The following PCDHA11 variants were observed in gnomAD, a reference collection of about 807,000 sequenced individuals.
PCDHA11 encodes the protein protocadherin alpha 11.
In PCDHA11, 61 loss-of-function variants were observed where a neutral mutation model predicts 70.3. That is an observed-to-expected ratio of 0.87 (90% CI 0.71 to 1.07). PCDHA11 has a LOEUF of 1.07. Ranked by LOEUF, PCDHA11 falls within the 50% of genes least tolerant of loss-of-function variation. PCDHA11 has a pLI of 0.00. For synonymous variants in PCDHA11, 633 were observed against 555.1 expected, an observed-to-expected ratio of 1.14 and a Z score of -1.97; for missense variants, 1,324 against 1,237.5, an observed-to-expected ratio of 1.07 and a Z score of -1.05.
chr5:141,006,048 G>T (rs1158028347), intron 3 of PCDHA11, among the ~76,000 whole-genome samples: 1 of 150,984 alleles, frequency 6.6e-6, no homozygotes, highest in Non-Finnish European at 1.5e-5. Context: ...TTGTAGATGA[G>T]AGTGGAGAAG....
chr5:140,907,914 T>A (rs2073690399), intron 1 of PCDHA11, among the ~76,000 whole-genome samples: 4 of 152,242 alleles, frequency 2.6e-5, no homozygotes, highest in Admixed American at 1.3e-4. Context: ...TTTTGACCAC[T>A]CAGAGAGGTC....
intron 1 of PCDHA11, among the ~76,000 whole-genome samples, chr5:140,971,214 C>T (rs1285730991): frequency 6.6e-6 from 1 of 152,172 alleles, no homozygotes; most frequent in African/African-American, 2.4e-5. Flanking sequence ...GTTACCCTCC[C>T]TCTCCTGACT....
intron 1 of PCDHA11, among the ~76,000 whole-genome samples, chr5:140,904,951 T>C (rs1468765932): frequency 6.6e-6 from 1 of 152,188 alleles, no homozygotes; most frequent in Non-Finnish European, 1.5e-5. Context: ...GTCCTTTGTC[T>C]GATGCAGAAT....
At chr5:140,996,308 A>G (rs997099218) in intron 3 of PCDHA11, among the ~76,000 whole-genome samples, 4 of 152,240 alleles carry the variant, frequency 2.6e-5, no homozygotes, top group African/African-American at 9.6e-5. Flanking sequence ...GTAACAAAGT[A>G]AGGGGGGAGG....
intron 3 of PCDHA11, among the ~76,000 whole-genome samples, chr5:140,983,739 G>T (rs983923811): frequency 5.3e-5 from 8 of 152,194 alleles, no homozygotes; most frequent in African/African-American, 1.9e-4. Context: ...TGGCTGGCTT[G>T]CAATAATCCA....
At chr5:140,964,212 A>G (rs1195642946) in intron 1 of PCDHA11, among the ~76,000 whole-genome samples, 11 of 152,244 alleles carry the variant, frequency 7.2e-5, no homozygotes, top group African/African-American at 2.7e-4. Flanking sequence ...TCTTTAGTAC[A>G]ATGTCTTTCA....
chr5:140,925,124 A>AGGAAGGAAGG (rs1554202565), intron 1 of PCDHA11, among the ~76,000 whole-genome samples: 1 of 151,854 alleles, frequency 6.6e-6, no homozygotes. Flanking sequence ...GAAGGAAGGA[A>AGGAAGGAAGG]AAAAAATTTC....
rs2051638531 is a variant in PCDHA11 at position 140,870,078 on chromosome 5, G to C, written c.975G>C (p.Gly325=). The C allele has an allele frequency of 6.2e-7, 1 of 1,613,720 alleles. No homozygotes were observed. Among genetic ancestry groups the C allele is most frequent in the African/African-American group, 1.3e-5 (1 of 74,910 alleles). The stretch of plus-strand genomic sequence containing the variant: ...TTGAAGTACAGGCTACAGATAAGGG[G>C]ACTCCCCCAATGGCAGGTCACTGTA... ...YKIEVQATDK[G]TPPMAGHCTV... The change falls in exon 1 of 4, where the codon GGG becomes GGC. Residue 325 remains glycine (G), a synonymous_variant. Coordinates refer to ENST00000398640, the MANE Select transcript of PCDHA11 (RefSeq NM_018902.5).
At position 140,871,343 on chromosome 5, in the gene PCDHA11, G is replaced by A. The variant is rs782701070; in HGVS notation, c.2240G>A (p.Trp747Ter). 3 of 1,614,194 alleles carry A rather than the reference G, an allele frequency of 1.9e-6. No individual in the cohort carries two copies. The highest frequency in any genetic ancestry group is 2.2e-5 in the East Asian group (1 of 44,884). ...GTGTGCTCCCGCGCGGTGGGGAGCT[G>A]GTCATACTCGCAGCAGAGGCGGCAG... Reference protein sequence around the residue: ...TLVCSRAVGSWSYSQQRRQRV... With the variant: ...TLVCSRAVGS The change falls in exon 1 of 4, where the codon TGG becomes TAG. Residue 747 changes from tryptophan (W) to a stop codon, truncating the protein, a stop_gained. Coordinates refer to ENST00000398640, the MANE Select transcript of PCDHA11 (RefSeq NM_018902.5). LOFTEE classifies it high-confidence loss of function.
chr5:140,908,270 G>A (rs1554193271), intron 1 of PCDHA11, among the ~76,000 whole-genome samples: 1 of 152,154 alleles, frequency 6.6e-6, no homozygotes, highest in African/African-American at 2.4e-5. Context: ...AACTCCCCAT[G>A]AGGCCATTGT....
intron 1 of PCDHA11, among the ~76,000 whole-genome samples, chr5:140,895,416 C>A (rs2065002617): frequency 6.6e-6 from 1 of 152,168 alleles, no homozygotes; most frequent in South Asian, 2.1e-4. Context: ...CCATAACCTT[C>A]TTTTGCTTCC....
At chr5:140,985,128 G>A (rs908196925) in intron 3 of PCDHA11, among the ~76,000 whole-genome samples, 3 of 152,056 alleles carry the variant, frequency 2.0e-5, no homozygotes, top group Admixed American at 6.6e-5. Flanking sequence ...TAGTAAAGAC[G>A]GGGTTTCACC....
At chr5:140,923,839 A>G (rs2081544977) in intron 1 of PCDHA11, among the ~76,000 whole-genome samples, 1 of 152,236 alleles carries the variant, frequency 6.6e-6, no homozygotes, top group Non-Finnish European at 1.5e-5. Flanking sequence ...CAGTTTAAAT[A>G]GAGAAATGGG....
At chr5:140,928,760 T>G (rs782568767) in intron 1 of PCDHA11, 6 of 1,614,060 alleles carry the variant, frequency 3.7e-6, no homozygotes, top group Non-Finnish European at 5.1e-6. Flanking sequence ...ACTGCTCGCT[T>G]AGTTCTTCCC....
intron 1 of PCDHA11, among the ~76,000 whole-genome samples, chr5:140,925,728 TAAATATTTACAGAAAGA>T (rs1554202900): frequency 6.6e-6 from 1 of 151,870 alleles, no homozygotes; most frequent in African/African-American, 2.4e-5. Context: ...TGGTGTTTTC[TAAATATTTACAGAAAGA>T]AAATTTACAG....
chr5:140,882,111 C>A, intron 1 of PCDHA11: 1 of 1,379,348 alleles, frequency 7.2e-7, no homozygotes, highest in Non-Finnish European at 9.8e-7. Context: ...GCGAAGAAAG[C>A]CGCCGTTTCT....
Position 141,010,190 on chromosome 5 carries a change from C to G in PCDHA11, c.*253C>G. On this transcript the variant is annotated 3_prime_UTR_variant, in exon 4 of 4. Transcript: ENST00000398640. ...GAACCTAAAAAGCAGACCCAAGTTT[C>G]CTTTCTCCTCCGCCGCAAAGGAGAG... 1 of 1,552,504 alleles carries G rather than the reference C, an allele frequency of 6.4e-7. No individual in the cohort carries two copies. Among genetic ancestry groups the G allele is most frequent in the East Asian group, 2.4e-5 (1 of 40,930 alleles).
intron 3 of PCDHA11, among the ~76,000 whole-genome samples, chr5:141,007,590 GATA>G (rs1332143320): frequency 4.0e-5 from 6 of 151,858 alleles, no homozygotes; most frequent in Non-Finnish European, 8.8e-5. Context: ...TAATAATCAT[GATA>G]ATAATAAAAG....
At chr5:140,927,993 A>G (rs782756882) in intron 1 of PCDHA11, 66 of 1,614,068 alleles carry the variant, frequency 4.1e-5, no homozygotes, top group Non-Finnish European at 5.4e-5. Flanking sequence ...TAAAGGATGA[A>G]GACCTCGATT....
Sources: gnomAD v4.1 joint callset for allele counts (sites outside exome capture counted in the v4.1 genomes callset) on GRCh38, gnomAD v4.1.1 for gene constraint, MANE v1.5 for transcripts, NCBI Gene and HGNC (gene_info 2026-07-23, HGNC 2026-07-21) for gene names.